MMUT: variants seen among roughly 807,000 people sequenced by gnomAD.
MMUT encodes the protein methylmalonyl-CoA mutase.
A neutral mutation model predicts 79.9 loss-of-function variants in MMUT; 79 were observed. That is an observed-to-expected ratio of 0.99 (90% CI 0.82 to 1.19). The LOEUF is 1.19. MMUT is among the 50% of genes most tolerant of loss of function. MMUT has a pLI of 0.00. For missense variants in MMUT, 860 were observed against 917.2 expected (o/e 0.94, Z 0.81); for synonymous variants, 273 against 295.7 (o/e 0.92, Z 0.79).
rs727504020 is a variant in MMUT, at chr6:49,451,591, G to C, written c.1207C>G (p.Arg403Gly). Residue 403 changes from arginine (R) to glycine (G), a missense_variant, in exon 6 of 13, where the codon CGA becomes GGA. By Grantham distance (125) the Arg-to-Gly change is moderately radical. Transcript: ENST00000274813. ...ALGLPTVKSA[R>G]IARNTQIIIQ... is the part of the protein sequence containing the mutation. ...ATGATTTGTGTGTTCCTGGCAATTCGAGCACTTTTCACAGTTGGCAAACCC... is the reference window on the plus strand; with the variant it reads ...ATGATTTGTGTGTTCCTGGCAATTCCAGCACTTTTCACAGTTGGCAAACCC... 3.1e-6 allele frequency: 5 copies of C among 1,614,060 alleles called. No homozygotes were observed. The East Asian group carries it at 1.1e-4, about 36-fold the overall frequency.
At chr6:49,448,688 G>A in intron 7 of MMUT, 128 bp downstream of exon 7, 2 of 737,694 alleles carry the variant, frequency 2.7e-6, no homozygotes, top group Non-Finnish European at 4.8e-6. Context: ...ACAAGTATAT[G>A]AGAAAAAATT....
In MMUT at chr6:49,453,902, A is replaced by G; in HGVS notation, c.912-146T>C. The G allele has an allele frequency of 9.2e-6, 6 of 652,022 alleles. No homozygotes were observed. The East Asian group carries it at 1.4e-4, about 16-fold the overall frequency. 40.4% of individuals were successfully genotyped at this position (652,022 alleles called of 1,614,324 possible). On this transcript the variant is annotated intron_variant, in intron 4 of 12. Coordinates refer to ENST00000274813, the MANE Select transcript of MMUT (RefSeq NM_000255.4). The stretch of plus-strand genomic sequence containing the variant: ...TTTGAATTAAGATCAGTGCACGTAC[A>G]TTTATGTAACTTTAAACCTAACATA...
Position 49,451,692 on chromosome 6 carries a change from C to T in MMUT, c.1106G>A (p.Arg369His), listed in dbSNP as rs564069299. ...TGCTGCCATTGCTTCTATTGCAGTA[C>T]GGACAATATTATTGTAGGGATCCTA... ...TEQDPYNNIV[R>H]TAIEAMAAVF... Residue 369 changes from arginine to histidine, a missense_variant, in exon 6 of 13, where the codon CGT becomes CAT. By Grantham distance (29) the Arg-to-His change is conservative. Coordinates refer to ENST00000274813, the MANE Select transcript of MMUT (RefSeq NM_000255.4). 2.9e-5 allele frequency: 47 copies of T among 1,613,488 alleles called. No homozygotes were observed. Among genetic ancestry groups the T allele is most frequent in the Middle Eastern group, 1.6e-4 (1 of 6,080 alleles).
Position 49,440,189 on chromosome 6 carries a change from C to T in MMUT, c.1956+17G>A. ...CTAGTAAATACTTTTGAAATTCCCCCCAACAGTTTTTAGTACCTGGAAAAG... is the reference window on the plus strand; with the variant it reads ...CTAGTAAATACTTTTGAAATTCCCCTCAACAGTTTTTAGTACCTGGAAAAG... On this transcript the variant is annotated intron_variant, in intron 11 of 12. Coordinates refer to ENST00000274813, the MANE Select transcript of MMUT (RefSeq NM_000255.4). 1 of 1,613,796 alleles carries T rather than the reference C, an allele frequency of 6.2e-7. No individual in the cohort carries two copies. Among genetic ancestry groups the T allele is most frequent in the Non-Finnish European group, 8.5e-7 (1 of 1,179,800 alleles).
Position 49,435,440 on chromosome 6 carries a change from T to G in MMUT, c.2124+16A>C, listed in dbSNP as rs376257828. The G allele has an allele frequency of 6.2e-7, 1 of 1,606,746 alleles. No individual in the cohort carries two copies. The highest frequency in any genetic ancestry group is 8.5e-7 in the Non-Finnish European group (1 of 1,173,636). On this transcript the variant is annotated intron_variant, in intron 12 of 12. Coordinates refer to ENST00000274813, the MANE Select transcript of MMUT (RefSeq NM_000255.4). ...GATTCCCATCACAGTACTAGAAAAA[T>G]AGAGATAAAAAATACCTGAGGTGGT...
At position 49,459,622 on chromosome 6, in the gene MMUT, C is replaced by G. The variant is rs560025846; in HGVS notation, c.-39-117G>C. ...TATTAGTCTGATTTCATTTCTTCCC[C>G]TTTTCTGCTTCCTGCACCTGATATT... On this transcript the variant is annotated intron_variant, in intron 1 of 12. Coordinates refer to ENST00000274813, the MANE Select transcript of MMUT (RefSeq NM_000255.4). The G allele has an allele frequency of 4.9e-6, 4 of 819,438 alleles. No individual in the cohort carries two copies. The African/African-American group carries it at 6.9e-5, about 14-fold the overall frequency. 50.8% of individuals were successfully genotyped at this position (819,438 alleles called of 1,614,324 possible).
At chr6:49,440,074 C>G (rs1426360157) in intron 11 of MMUT, 132 bp downstream of exon 11, 6 of 1,240,316 alleles carry the variant, frequency 4.8e-6, no homozygotes, top group Middle Eastern at 1.9e-4. Context: ...AGGCATTTGC[C>G]AAGTCAGTGG....
intron 11 of MMUT, among the ~76,000 whole-genome samples, chr6:49,438,286 CCTGT>C (rs1049558565): frequency 6.6e-4 from 100 of 152,026 alleles, no homozygotes; most frequent in African/African-American, 2.3e-3. Context: ...AAACTATTTT[CCTGT>C]CTAAGTCTAA....
At chr6:49,441,798 C>T in intron 10 of MMUT, 42 bp downstream of exon 10, 2 of 1,599,928 alleles carry the variant, frequency 1.3e-6, no homozygotes, top group Non-Finnish European at 1.7e-6. Context: ...ATTGTGCTAA[C>T]AGAAAAGATG....
chr6:49,453,606 A>T lies in MMUT; in HGVS notation c.1062T>A (p.Ser354=). ...ATACCTGCTCAGTAAGTGACCATCC[A>T]GATGTCTGACAGTGTGCTCTTAGAA... ...SLLLRAHCQT[S]GWSLTEQDPY... The change falls in exon 5 of 13, where the codon TCT becomes TCA. Residue 354 remains serine, a synonymous_variant. Coordinates refer to ENST00000274813, the MANE Select transcript of MMUT (RefSeq NM_000255.4). 6.2e-7 allele frequency: 1 copy of T among 1,611,166 alleles called. No individual in the cohort carries two copies. The highest frequency in any genetic ancestry group is 8.5e-7 in the Non-Finnish European group (1 of 1,178,040).
chr6:49,460,986 T>C (rs1420507693), intron 1 of MMUT, among the ~76,000 whole-genome samples: 1 of 152,230 alleles, frequency 6.6e-6, no homozygotes, highest in African/African-American at 2.4e-5. Context: ...TGTAGTAATA[T>C]ATAAAATAGA....
Position 49,441,904 on chromosome 6 carries a change from T to C in MMUT, c.1744A>G (p.Met582Val). The C allele has an allele frequency of 6.2e-7, 1 of 1,612,336 alleles. No individual in the cohort carries two copies. Among genetic ancestry groups the C allele is most frequent in the Non-Finnish European group, 8.5e-7 (1 of 1,178,844 alleles). The change falls in exon 10 of 13, where the codon ATG becomes GTG. Residue 582 changes from methionine (M) to valine (V), a missense_variant. Coordinates refer to ENST00000274813, the MANE Select transcript of MMUT (RefSeq NM_000255.4). ...VFGEHKANDR[M>V]VSGAYRQEFG... ...TCCTGGCGATATGCTCCACTCACCA[T>C]TCGATCATTCGCTTTATGTTCACCA...
chr6:49,460,414 A>G (rs2127420856), intron 1 of MMUT, among the ~76,000 whole-genome samples: 1 of 152,326 alleles, frequency 6.6e-6, no homozygotes, highest in Non-Finnish European at 1.5e-5. Flanking sequence ...GGTGAGCTAA[A>G]TGGCCTCTTC....
At chr6:49,447,939 G>T (rs1282433610) in intron 7 of MMUT, among the ~76,000 whole-genome samples, 154 bp from the exon 8 acceptor site, 4 of 152,044 alleles carry the variant, frequency 2.6e-5, no homozygotes, top group South Asian at 2.1e-4. Flanking sequence ...CCCAATCTGA[G>T]AAGGGGGTGT....
Position 49,453,443 on chromosome 6 carries a change from A to G in MMUT, c.1083+142T>C, listed in dbSNP as rs923754232. On this transcript the variant is annotated intron_variant, in intron 5 of 12. Coordinates refer to ENST00000274813, the MANE Select transcript of MMUT (RefSeq NM_000255.4). Reference sequence around the variant, plus strand: ...ATTATGTATAATTACAAACCTAAGTATACATTATGCTTCAGAATATTTATC... The same window carrying G: ...ATTATGTATAATTACAAACCTAAGTGTACATTATGCTTCAGAATATTTATC... The G allele has an allele frequency of 7.7e-5, 27 of 350,940 alleles. No homozygotes were observed. The Admixed American group carries it at 9.0e-4, about 12-fold the overall frequency. The allele number at this position is 350,940 out of a possible 1,614,324, so 21.7% of individuals were successfully genotyped here. A position where few individuals can be genotyped will look rare whatever the true frequency, so the allele number is the denominator to read the frequency against.
chr6:49,444,965 A>C (rs1767375964), intron 8 of MMUT, among the ~76,000 whole-genome samples: 1 of 152,166 alleles, frequency 6.6e-6, no homozygotes, highest in African/African-American at 2.4e-5. Flanking sequence ...AAATAATATT[A>C]CATTTGGTAT....
At chr6:49,449,165 T>A (rs1357190832) in intron 6 of MMUT, among the ~76,000 whole-genome samples, 1 of 152,046 alleles carries the variant, frequency 6.6e-6, no homozygotes, top group African/African-American at 2.4e-5. Flanking sequence ...ACCTCTTAAG[T>A]CTTGGGAGAA....
Position 49,463,201 on chromosome 6 carries a change from C to T in MMUT, c.-138G>A, listed in dbSNP as rs1009272428. 1.3e-5 allele frequency: 2 copies of T among 152,456 alleles called. No homozygotes were observed. The highest frequency in any genetic ancestry group is 4.8e-5 in the African/African-American group (2 of 41,440). The allele number at this position is 152,456 out of a possible 1,614,324, so 9.4% of individuals were successfully genotyped here. The stretch of plus-strand genomic sequence containing the variant: ...CATCCACACAGCCAGGCCTCCCCGC[C>T]CTCACCAAGCCCACACAAACCGCGC... On this transcript the variant is annotated 5_prime_UTR_variant, in exon 1 of 13. Transcript: ENST00000274813.
Position 49,431,606 on chromosome 6 carries a change from G to T in MMUT, c.*122C>A. On this transcript the variant is annotated 3_prime_UTR_variant, in exon 13 of 13. Coordinates refer to ENST00000274813, the MANE Select transcript of MMUT (RefSeq NM_000255.4). ...AGGCCTATAAGTAAGGTATTTTAAAGTAAAGCTTTCAAGGAAAGTACAAAT... is the reference window on the plus strand; with the variant it reads ...AGGCCTATAAGTAAGGTATTTTAAATTAAAGCTTTCAAGGAAAGTACAAAT... 9.4e-7 allele frequency: 1 copy of T among 1,065,962 alleles called. No individual in the cohort carries two copies. The highest frequency in any genetic ancestry group is 1.4e-6 in the Non-Finnish European group (1 of 714,624). The allele number at this position is 1,065,962 out of a possible 1,614,324, so 66.0% of individuals were successfully genotyped here.
Sources: gnomAD v4.1 joint callset for allele counts (sites outside exome capture counted in the v4.1 genomes callset) on GRCh38, gnomAD v4.1.1 for gene constraint, MANE v1.5 for transcripts, NCBI Gene and HGNC (gene_info 2026-07-23, HGNC 2026-07-21) for gene names.